NRXN3: variants seen among roughly 807,000 people sequenced by gnomAD.
NRXN3 encodes neurexin 3, also known as neurexin III.
Under a neutral mutation model 137.6 loss-of-function variants are expected in NRXN3, and 32 were observed. The ratio of observed to expected loss-of-function variants is 0.23; its 90% CI spans 0.18 to 0.31. NRXN3 has a LOEUF of 0.31. Ranked by LOEUF, NRXN3 falls within the 10% of genes least tolerant of loss-of-function variation. NRXN3 has a pLI of 1.00. For missense variants in NRXN3, 1,574 were observed against 2,062.5 expected (o/e 0.76, Z 4.59); for synonymous variants, 798 against 784.5 (o/e 1.02, Z -0.29).
rs1369106901 is a variant in NRXN3 at position 79,718,597 on chromosome 14, G to A, written c.4014+20660G>A. Among the ~76,000 whole-genome samples the A allele has an allele frequency of 2.6e-5, 4 of 152,144 alleles. No individual in the cohort carries two copies. In the East Asian group the frequency reaches 7.7e-4, roughly 29 times the overall value. On this transcript the variant is annotated intron_variant, in intron 19 of 20. Transcript: ENST00000335750. ...TGAAGTTTGATTGTGGTTTGAACTA[G>A]TATAGCAGCCAGGCCCCCACTACAG...
chr14:79,013,110 G>C (rs1474721552), intron 15 of NRXN3, among the ~76,000 whole-genome samples: 1 of 152,076 alleles, frequency 6.6e-6, no homozygotes, highest in African/African-American at 2.4e-5. Context: ...TTTCAGCTTT[G>C]CCTGTATGAA....
At chr14:79,530,993 G>T (rs1049661942) in intron 16 of NRXN3, among the ~76,000 whole-genome samples, 2 of 152,078 alleles carry the variant, frequency 1.3e-5, no homozygotes, top group African/African-American at 4.8e-5. Context: ...TGATCTCAGA[G>T]CCCCATTTCC....
At chr14:78,314,984 TTC>T (rs1400288222) in intron 4 of NRXN3, among the ~76,000 whole-genome samples, 11 of 88,592 alleles carry the variant, frequency 1.2e-4, no homozygotes, top group African/African-American at 6.0e-4. Context: ...CCTTCCTTCC[TTC>T]CTTTCTCTTT....
At chr14:78,201,662 C>A (rs1411149090) in intron 1 of NRXN3, among the ~76,000 whole-genome samples, 2 of 152,140 alleles carry the variant, frequency 1.3e-5, no homozygotes, top group African/African-American at 4.8e-5. Context: ...CTGCAATTGA[C>A]CTTTTAAGTC....
chr14:78,553,286 A>T (rs2096709618), intron 4 of NRXN3, among the ~76,000 whole-genome samples: 1 of 152,182 alleles, frequency 6.6e-6, no homozygotes. Context: ...AATATAAAAA[A>T]TCCAGCCTCT....
intron 14 of NRXN3, among the ~76,000 whole-genome samples, chr14:78,971,249 G>T (rs2099438719): frequency 6.6e-6 from 1 of 151,238 alleles, no homozygotes; most frequent in Non-Finnish European, 1.5e-5. Context: ...CCCCAAGAAG[G>T]CCTTTGAGCA....
chr14:79,765,207 G>C (rs2099051914), intron 19 of NRXN3, among the ~76,000 whole-genome samples: 1 of 152,140 alleles, frequency 6.6e-6, no homozygotes, highest in African/African-American at 2.4e-5. Flanking sequence ...ATTATTTCTA[G>C]CTGGATAAGA....
At chr14:78,473,880 C>T (rs746920912) in intron 4 of NRXN3, among the ~76,000 whole-genome samples, 8 of 152,196 alleles carry the variant, frequency 5.3e-5, no homozygotes, top group Admixed American at 1.3e-4. Context: ...AATTATGAGG[C>T]AGATGCTCCC....
chr14:78,469,827 A>G (rs2095222034), intron 4 of NRXN3, among the ~76,000 whole-genome samples: 1 of 152,268 alleles, frequency 6.6e-6, no homozygotes, highest in African/African-American at 2.4e-5. Context: ...AGGTAAATTC[A>G]GTCTGAGATC....
chr14:78,989,681 T>C (rs2099514573), intron 15 of NRXN3, among the ~76,000 whole-genome samples: 2 of 152,156 alleles, frequency 1.3e-5, no homozygotes. Flanking sequence ...TACTATATGC[T>C]CTTTCTTTTT....
At chr14:79,678,736 T>C (rs2098653970) in intron 17 of NRXN3, among the ~76,000 whole-genome samples, 1 of 152,194 alleles carries the variant, frequency 6.6e-6, no homozygotes, top group Non-Finnish European at 1.5e-5. Context: ...ATGTTGTAAG[T>C]GCTTTTTGAC....
chr14:79,540,233 T>G (rs1359217319), intron 16 of NRXN3, among the ~76,000 whole-genome samples: 1 of 152,064 alleles, frequency 6.6e-6, no homozygotes, highest in Non-Finnish European at 1.5e-5. Context: ...CATTCATTTA[T>G]TCAGCTTGCA....
At chr14:78,415,083 G>A (rs759241634) in intron 4 of NRXN3, among the ~76,000 whole-genome samples, 1 of 152,094 alleles carries the variant, frequency 6.6e-6, no homozygotes, top group Non-Finnish European at 1.5e-5. Flanking sequence ...CCAGGCTTTG[G>A]ATACAGACAG....
At position 79,328,112 on chromosome 14, in the gene NRXN3, A is replaced by G. The variant is rs142142509; in HGVS notation, c.3263-139109A>G. On this transcript the variant is annotated intron_variant, in intron 15 of 20. Transcript: ENST00000335750. ...ACAAACCTGCACATCCTGCACATGT[A>G]TCCTGAAACTTAAAATTTAACAGAA... 4.4e-3 allele frequency among the ~76,000 whole-genome samples: 674 copies of G among 152,294 alleles called. 3 individuals carry two copies. The highest frequency in any genetic ancestry group is 0.015 in the African/African-American group (622 of 41,556).
chr14:79,394,194 A>G (rs545722974), intron 15 of NRXN3, among the ~76,000 whole-genome samples: 67 of 152,318 alleles, frequency 4.4e-4, no homozygotes, highest in African/African-American at 1.5e-3. Flanking sequence ...GTATTATTCA[A>G]CCAGGATGTA....
intron 4 of NRXN3, among the ~76,000 whole-genome samples, chr14:78,603,542 T>C (rs943617821): frequency 2.0e-5 from 3 of 152,216 alleles, no homozygotes; most frequent in Non-Finnish European, 4.4e-5. Flanking sequence ...TGGATTAATA[T>C]TTTTTCTTTA....
intron 4 of NRXN3, among the ~76,000 whole-genome samples, chr14:78,583,078 A>G (rs1420796401): frequency 6.6e-6 from 1 of 152,114 alleles, no homozygotes; most frequent in Non-Finnish European, 1.5e-5. Context: ...GGATACTAAC[A>G]TTCACACAGG....
chr14:79,292,488 G>T (rs1047993636), intron 15 of NRXN3, among the ~76,000 whole-genome samples: 6 of 152,202 alleles, frequency 3.9e-5, no homozygotes, highest in Non-Finnish European at 8.8e-5. Context: ...TCACCTGAAA[G>T]ACAGGGAACT....
intron 19 of NRXN3, among the ~76,000 whole-genome samples, chr14:79,781,687 G>A (rs1272424872): frequency 6.6e-6 from 1 of 152,180 alleles, no homozygotes; most frequent in Non-Finnish European, 1.5e-5. Flanking sequence ...TGTGACTCAG[G>A]ATACGAATCA....
Sources: allele counts gnomAD v4.1 joint callset (sites outside exome capture counted in the v4.1 genomes callset), GRCh38; gene constraint gnomAD v4.1.1; transcripts MANE v1.5; gene names NCBI Gene and HGNC (gene_info 2026-07-23, HGNC 2026-07-21).